Variants in RFTN1 observed in about 807,000 individuals in gnomAD.
RFTN1 encodes raftlin.
Under a neutral mutation model 46.5 loss-of-function variants are expected in RFTN1, and 26 were observed. That is an observed-to-expected ratio of 0.56 (90% CI 0.41 to 0.78). RFTN1 has a LOEUF of 0.78. RFTN1 is among the 30% of genes least tolerant of loss of function. The probability of loss-of-function intolerance (pLI) is 0.00; values close to 1 mark genes in which losing one functional copy is unlikely to be tolerated. For synonymous variants in RFTN1, 261 were observed against 284.2 expected (o/e 0.92, Z 0.82); for missense variants, 693 against 718.7 (o/e 0.96, Z 0.41).
intron 2 of RFTN1, among the ~76,000 whole-genome samples, chr3:16,482,501 C>G (rs889226360): frequency 6.6e-6 from 1 of 152,112 alleles, no homozygotes; most frequent in African/African-American, 2.4e-5. Flanking sequence ...AAGCCATACC[C>G]GAGGGACCTT....
rs1373330986 is a variant in RFTN1 at position 16,479,430 on chromosome 3, A to G, written c.145+14295T>C. Among the ~76,000 whole-genome samples, 1 of 152,246 alleles carries G rather than the reference A, an allele frequency of 6.6e-6. No homozygotes were observed. The highest frequency in any genetic ancestry group is 1.5e-5 in the Non-Finnish European group (1 of 68,040). On this transcript the variant is annotated intron_variant, in intron 2 of 9. Transcript: ENST00000334133. The surrounding 1 kb of genome is among the most constrained non-coding windows in gnomAD (Gnocchi z 5.1). ...TAGATTGGCAAGAAACAGTGGTAAG[A>G]AAAGAAACAGTTGGATCACCAGTCT...
intron 1 of RFTN1, among the ~76,000 whole-genome samples, chr3:16,511,237 A>G (rs2076897111): frequency 6.6e-6 from 1 of 152,234 alleles, no homozygotes; most frequent in African/African-American, 2.4e-5. Flanking sequence ...AACATTATGC[A>G]AATGGTACTT....
rs577316559 is a variant in RFTN1 at position 16,377,680 on chromosome 3, T to G, written c.826+38A>C. 3.2e-6 allele frequency: 5 copies of G among 1,544,624 alleles called. No individual in the cohort carries two copies. The African/African-American group carries it at 5.5e-5, about 17-fold the overall frequency. ...ATTAATGAAAAGCTGTTAGCTGCTC[T>G]TTAAGTGGGTCAAAACTCCCATTGC... On this transcript the variant is annotated intron_variant, in intron 5 of 9. Coordinates refer to ENST00000334133, the MANE Select transcript of RFTN1 (RefSeq NM_015150.2).
chr3:16,419,452 G>A (rs1293022405), intron 3 of RFTN1, among the ~76,000 whole-genome samples: 1 of 152,192 alleles, frequency 6.6e-6, no homozygotes, highest in Non-Finnish European at 1.5e-5. Context: ...AATGAGAACT[G>A]TACTGAGATT....
intron 2 of RFTN1, among the ~76,000 whole-genome samples, chr3:16,461,934 GT>G (rs2076014069): frequency 6.6e-6 from 1 of 152,158 alleles, no homozygotes; most frequent in Non-Finnish European, 1.5e-5. Context: ...CCAGGTTGAG[GT>G]TTTCTTTTCT....
chr3:16,432,173 A>G (rs566071051), intron 3 of RFTN1, among the ~76,000 whole-genome samples: 33 of 152,308 alleles, frequency 2.2e-4, no homozygotes, highest in African/African-American at 7.2e-4. Flanking sequence ...TGTGGCCCCC[A>G]ATCTTCTCAT....
At chr3:16,511,664 A>G (rs1439823227) in intron 1 of RFTN1, among the ~76,000 whole-genome samples, 1 of 152,012 alleles carries the variant, frequency 6.6e-6, no homozygotes, top group Admixed American at 6.6e-5. Flanking sequence ...AAAAGAGAAG[A>G]CTGGAAGAAC....
intron 4 of RFTN1, among the ~76,000 whole-genome samples, chr3:16,395,558 C>T (rs372285012): frequency 5.3e-5 from 8 of 152,058 alleles, no homozygotes; most frequent in African/African-American, 1.7e-4. Flanking sequence ...AGATCCACCC[C>T]CCTCGGCCTC....
intron 7 of RFTN1, among the ~76,000 whole-genome samples, chr3:16,328,311 G>GT (rs1559817848): frequency 6.6e-6 from 1 of 152,224 alleles, no homozygotes; most frequent in Non-Finnish European, 1.5e-5. Flanking sequence ...GGCAGCGCGC[G>GT]TGACCATGGT....
intron 4 of RFTN1, among the ~76,000 whole-genome samples, chr3:16,404,853 G>A (rs571114734): frequency 6.6e-6 from 1 of 152,132 alleles, no homozygotes; most frequent in South Asian, 2.1e-4. Context: ...TCTAATCCAG[G>A]CTCCATCATT....
At chr3:16,403,724 AT>A in intron 4 of RFTN1, among the ~76,000 whole-genome samples, 1 of 20,230 alleles carries the variant, frequency 4.9e-5, no homozygotes, top group African/African-American at 2.1e-4. Context: ...TATAATATAT[AT>A]ATTATATATA....
chr3:16,402,375 A>T lies in RFTN1; in HGVS notation c.441+7000T>A, dbSNP rs2074627620. Among the ~76,000 whole-genome samples, 1 of 152,160 alleles carries T rather than the reference A, an allele frequency of 6.6e-6. No homozygotes were observed. Among genetic ancestry groups the T allele is most frequent in the Admixed American group, 6.5e-5 (1 of 15,272 alleles). ...GCTCACTGTCTTCCACTCTGAAGAC[A>T]CACTCATTGCTGGGATGACACTCCA... On this transcript the variant is annotated intron_variant, in intron 4 of 9. Transcript: ENST00000334133. The surrounding 1 kb of genome is among the most constrained non-coding windows in gnomAD (Gnocchi z 4.5).
chr3:16,446,457 G>A lies in RFTN1; in HGVS notation c.146-12420C>T, dbSNP rs1260077311. Among the ~76,000 whole-genome samples, 2 of 151,980 alleles carry A rather than the reference G, an allele frequency of 1.3e-5. No homozygotes were observed. The highest frequency in any genetic ancestry group is 6.6e-5 in the Admixed American group (1 of 15,250). On this transcript the variant is annotated intron_variant, in intron 2 of 9. Transcript: ENST00000334133. This position sits in a 1 kb window ranked among gnomAD's most constrained non-coding sequence, Gnocchi z 4.5. ...CTCGGTCCACGTCCAACAAGCAGAAGGGACACCTCACTTTCAGGTCACCAA... is the reference window on the plus strand; with the variant it reads ...CTCGGTCCACGTCCAACAAGCAGAAAGGACACCTCACTTTCAGGTCACCAA...
chr3:16,391,894 GTTT>G (rs147487784), intron 4 of RFTN1, among the ~76,000 whole-genome samples: 31 of 33,052 alleles, frequency 9.4e-4, no homozygotes, highest in Admixed American at 2.7e-3. Flanking sequence ...TTTTTTTTTT[GTTT>G]TTTTTACGGG....
chr3:16,420,906 T>A (rs1270686451), intron 3 of RFTN1, among the ~76,000 whole-genome samples: 1 of 152,192 alleles, frequency 6.6e-6, no homozygotes, highest in Non-Finnish European at 1.5e-5. Context: ...AGAGTCTGTG[T>A]CTCTAAGAGC....
chr3:16,372,920 A>T (rs2073583781), intron 5 of RFTN1, among the ~76,000 whole-genome samples: 1 of 152,224 alleles, frequency 6.6e-6, no homozygotes, highest in Non-Finnish European at 1.5e-5. Flanking sequence ...ACCTGATTGC[A>T]CATGCATAAC....
Position 16,376,791 on chromosome 3 carries a change from A to T in RFTN1, c.826+927T>A, listed in dbSNP as rs1253264326. On this transcript the variant is annotated intron_variant, in intron 5 of 9. Transcript: ENST00000334133. The surrounding 1 kb of genome is among the most constrained non-coding windows in gnomAD (Gnocchi z 4.7). ...ACCATCCCATAATTTTCCTCTCAAG[A>T]AGTTCTGATGTAACAAAAGAAACTG... Among the ~76,000 whole-genome samples the T allele has an allele frequency of 6.6e-6, 1 of 152,212 alleles. No individual in the cohort carries two copies. Among genetic ancestry groups the T allele is most frequent in the African/African-American group, 2.4e-5 (1 of 41,456 alleles).
intron 3 of RFTN1, among the ~76,000 whole-genome samples, chr3:16,419,796 GAGA>G (rs1366682413): frequency 6.6e-6 from 1 of 152,142 alleles, no homozygotes; most frequent in Non-Finnish European, 1.5e-5. Context: ...CACAACGAAG[GAGA>G]AGAATTTACC....
intron 4 of RFTN1, among the ~76,000 whole-genome samples, chr3:16,388,372 T>C (rs1326865296): frequency 6.6e-6 from 1 of 152,238 alleles, no homozygotes; most frequent in Non-Finnish European, 1.5e-5. Context: ...AAGGAATGAA[T>C]AGGCATGAGA....
Sources: gnomAD v4.1 joint callset for allele counts (sites outside exome capture counted in the v4.1 genomes callset) on GRCh38, gnomAD v4.1.1 for gene constraint, Gnocchi (gnomAD v3.1) non-coding constraint, MANE v1.5 for transcripts, NCBI Gene and HGNC (gene_info 2026-07-23, HGNC 2026-07-21) for gene names.